Variants in EIF4G1 observed in about 807,000 individuals in gnomAD.
The protein encoded by EIF4G1 is eukaryotic translation initiation factor 4 gamma 1.
A neutral mutation model predicts 187.8 loss-of-function variants in EIF4G1; 4 were observed. That is an observed-to-expected ratio of 0.02 (90% CI 0.01 to 0.05). The LOEUF (loss-of-function observed/expected upper bound fraction) is 0.05. Ranked by LOEUF, EIF4G1 falls within the 10% of genes least tolerant of loss-of-function variation. EIF4G1 has a pLI of 1.00. For synonymous variants in EIF4G1, 844 were observed against 781.4 expected, an observed-to-expected ratio of 1.08 and a Z score of -1.34; for missense variants, 1,647 against 2,081.1, an observed-to-expected ratio of 0.79 and a Z score of 4.06.
rs753816955 is a variant in EIF4G1 at position 184,331,691 on chromosome 3, A to G, written c.4396-37A>G. 3.1e-6 allele frequency: 5 copies of G among 1,613,962 alleles called. No individual in the cohort carries two copies. The East Asian group carries it at 1.1e-4, about 36-fold the overall frequency. ...GCAAGAATGAAGACTGAAGGGCCCA[A>G]TTCAGAATCTGGGGATCATTTGTTT... On this transcript the variant is annotated intron_variant, in intron 30 of 32. Transcript: ENST00000346169.
Position 184,321,518 on chromosome 3 carries a change from C to T in EIF4G1, c.934C>T (p.Arg312Cys), listed in dbSNP as rs112887352. 6.1e-5 allele frequency: 98 copies of T among 1,614,206 alleles called. No individual in the cohort carries two copies. The highest frequency in any genetic ancestry group is 1.0e-4 in the Admixed American group (6 of 60,024). ...CTCCCGTGAAACTGGGGAGCCATATCGCCTCTCTCCAGAACCCACTCCTCT... is the reference window on the plus strand; with the variant it reads ...CTCCCGTGAAACTGGGGAGCCATATTGCCTCTCTCCAGAACCCACTCCTCT... Reference protein sequence around the residue: ...PISRETGEPYRLSPEPTPLAE... With the variant: ...PISRETGEPYCLSPEPTPLAE... The change falls in exon 10 of 33, where the codon CGC becomes TGC. Residue 312 changes from arginine to cysteine, a missense_variant. By Grantham distance (180) the Arg-to-Cys change is radical. This residue lies in a region of EIF4G1 where 522 missense variants were observed against 485.2 expected (regional missense o/e 1.08). Transcript: ENST00000346169.
At chr3:184,330,681 A>G (rs1725883861) in intron 28 of EIF4G1, among the ~76,000 whole-genome samples, 1 of 152,060 alleles carries the variant, frequency 6.6e-6, no homozygotes, top group African/African-American at 2.4e-5. Flanking sequence ...AGGCCCTTAC[A>G]TCATTTTTCC....
intron 4 of EIF4G1, 89 bp downstream of exon 4, chr3:184,316,307 C>T (rs1057065029): frequency 7.3e-6 from 11 of 1,511,852 alleles, no homozygotes; most frequent in Admixed American, 5.7e-5. Flanking sequence ...AAACTGGAGG[C>T]CCCATACCTG....
At chr3:184,333,063 C>A (rs1726442303) in intron 32 of EIF4G1, among the ~76,000 whole-genome samples, 1 of 152,100 alleles carries the variant, frequency 6.6e-6, no homozygotes, top group South Asian at 2.1e-4. Flanking sequence ...AGTGGCTCAG[C>A]CTTGCTGGTG....
In EIF4G1 at chr3:184,334,219, C is replaced by T. The variant is rs546336118; in HGVS notation, c.4619-508C>T. Among the ~76,000 whole-genome samples the T allele has an allele frequency of 1.4e-4, 22 of 152,044 alleles. No individual in the cohort carries two copies. In the South Asian group the frequency reaches 2.5e-3, roughly 17 times the overall value. On this transcript the variant is annotated intron_variant, in intron 32 of 32. Transcript: ENST00000346169. The surrounding 1 kb of genome is among the most constrained non-coding windows in gnomAD (Gnocchi z 5.8). Reference sequence around the variant, plus strand: ...AAGGAACAAGACACGAGGAAGTTTCCGGCAAAGGATATAGCATCCACAAAA... The same window carrying T: ...AAGGAACAAGACACGAGGAAGTTTCTGGCAAAGGATATAGCATCCACAAAA...
At chr3:184,320,279 T>G in intron 7 of EIF4G1, 1 of 1,243,408 alleles carries the variant, frequency 8.0e-7, no homozygotes, top group Middle Eastern at 3.4e-4. Flanking sequence ...CCCCCAGAGA[T>G]CAGGCACACT....
chr3:184,320,986 C>A lies in EIF4G1; in HGVS notation c.690C>A (p.Val230=). ...NGETPQVAVI[V]RPDDRSQGAI... is the part of the protein sequence containing the mutation. ...AGACGCCCCAGGTTGCTGTCATTGT[C>A]CGGCCAGGTAAGTAAGCCGGTGGGA... The change falls in exon 9 of 33, where the codon GTC becomes GTA. Residue 230 remains valine (V), a synonymous_variant. Coordinates refer to ENST00000346169, the MANE Select transcript of EIF4G1 (RefSeq NM_198241.3). 1 of 1,613,902 alleles carries A rather than the reference C, an allele frequency of 6.2e-7. No individual in the cohort carries two copies. The highest frequency in any genetic ancestry group is 2.2e-5 in the East Asian group (1 of 44,868).
intron 17 of EIF4G1, among the ~76,000 whole-genome samples, chr3:184,324,562 C>T (rs1250552369): frequency 3.9e-5 from 6 of 152,130 alleles, no homozygotes; most frequent in African/African-American, 9.7e-5. Context: ...TGAGTTCAAG[C>T]GATTCTCCTG....
chr3:184,333,767 G>A lies in EIF4G1; in HGVS notation c.4619-960G>A, dbSNP rs573264871. ...ATATTTTATTAGCTGTAAGATAGTG[G>A]TTGAAAACAGGGCTTTTTGTTTTTA... On this transcript the variant is annotated intron_variant, in intron 32 of 32. Coordinates refer to ENST00000346169, the MANE Select transcript of EIF4G1 (RefSeq NM_198241.3). Among the ~76,000 whole-genome samples, 48 of 152,374 alleles carry A rather than the reference G, an allele frequency of 3.2e-4. 1 individual carries two copies. The highest frequency in any genetic ancestry group is 1.4e-3 in the Admixed American group (22 of 15,304).
chr3:184,328,027 C>T, intron 26 of EIF4G1, 25 bp downstream of exon 26: 1 of 1,600,180 alleles, frequency 6.2e-7, no homozygotes, highest in Non-Finnish European at 8.5e-7. Context: ...TCTGGGCCTC[C>T]CACTTATACA....
rs1358679856 is a variant in EIF4G1 at position 184,315,500 on chromosome 3, C to T, written c.-80C>T. Reference sequence around the variant, plus strand: ...CCTCCCAACCCCAGGCCCTCGGATGCCCAGAACCTGTAGGCCGCACCGTGG... The same window carrying T: ...CCTCCCAACCCCAGGCCCTCGGATGTCCAGAACCTGTAGGCCGCACCGTGG... On this transcript the variant is annotated 5_prime_UTR_variant, in exon 2 of 33. Transcript: ENST00000346169. 2 of 680,302 alleles carry T rather than the reference C, an allele frequency of 2.9e-6. No individual in the cohort carries two copies. Among genetic ancestry groups the T allele is most frequent in the South Asian group, 1.4e-5 (1 of 72,998 alleles). The allele number at this position is 680,302 out of a possible 1,614,324, so 42.1% of individuals were successfully genotyped here.
Position 184,323,636 on chromosome 3 carries a change from C to T in EIF4G1, c.2274+43C>T. The T allele has an allele frequency of 1.2e-6, 2 of 1,612,878 alleles. No homozygotes were observed. Among genetic ancestry groups the T allele is most frequent in the East Asian group, 2.2e-5 (1 of 44,864 alleles). On this transcript the variant is annotated intron_variant, in intron 15 of 32. Transcript: ENST00000346169. This position sits in a 1 kb window ranked among gnomAD's most constrained non-coding sequence, Gnocchi z 6.9. ...TTTTGGTCTCTCTCCATTTCTTCTC[C>T]AGGTCTGCCATCTGTGCCCTCTTTG...
intron 6 of EIF4G1, 87 bp downstream of exon 6, chr3:184,317,903 C>G: frequency 9.9e-7 from 1 of 1,005,754 alleles, no homozygotes; most frequent in Non-Finnish European, 1.5e-6. Context: ...AAGACCCTTC[C>G]CAGGCTTGGC....
chr3:184,322,178 T>C, intron 10 of EIF4G1, 75 bp downstream of exon 10: 1 of 1,606,176 alleles, frequency 6.2e-7, no homozygotes, highest in South Asian at 1.1e-5. Context: ...TGACCGCCCA[T>C]TTTTGACATG....
rs113388242 is a variant in EIF4G1, at chr3:184,327,376, C to T, written c.3589C>T (p.Arg1197Trp). ...SKEVEERSRE[R>W]PSQPEGLRKA... ...GGAAGTGGAGGAGCGGAGTAGAGAACGGCCCTCCCAGCCTGAGGGGCTGCG... is the reference window on the plus strand; with the variant it reads ...GGAAGTGGAGGAGCGGAGTAGAGAATGGCCCTCCCAGCCTGAGGGGCTGCG... Residue 1197 changes from arginine to tryptophan, a missense_variant, in exon 24 of 33, where the codon CGG becomes TGG. Around this residue, in one of 11 missense-constraint regions of EIF4G1, gnomAD observed 543 missense variants for 638.0 expected, o/e 0.85. Coordinates refer to ENST00000346169, the MANE Select transcript of EIF4G1 (RefSeq NM_198241.3). The T allele has an allele frequency of 3.0e-5, 48 of 1,613,372 alleles. No individual in the cohort carries two copies. The highest frequency in any genetic ancestry group is 1.7e-4 in the Middle Eastern group (1 of 6,056).
chr3:184,320,955 A>T lies in EIF4G1; in HGVS notation c.659A>T (p.Asn220Ile), dbSNP rs1429023973. The T allele has an allele frequency of 5.0e-6, 8 of 1,614,166 alleles. No homozygotes were observed. Among genetic ancestry groups the T allele is most frequent in the African/African-American group, 1.3e-5 (1 of 75,040 alleles). Residue 220 changes from asparagine (N) to isoleucine (I), a missense_variant, in exon 9 of 33, where the codon AAT becomes ATT. Asn to Ile is a moderately radical substitution (Grantham distance 149). This residue lies in a region of EIF4G1 where 522 missense variants were observed against 485.2 expected (regional missense o/e 1.08). Transcript: ENST00000346169. ...QTGGGLEPQANGETPQVAVIV... is the reference protein window; with the variant it reads ...QTGGGLEPQAIGETPQVAVIV... ...GGAGGCGGTCTGGAGCCTCAAGCTA[A>T]TGGGGAGACGCCCCAGGTTGCTGTC...
rs755617952 is a variant in EIF4G1, at chr3:184,327,295, C to T, written c.3508C>T (p.Arg1170Cys). Residue 1170 changes from arginine to cysteine, a missense_variant, in exon 24 of 33, where the codon CGT becomes TGT. By Grantham distance (180) the Arg-to-Cys change is radical. Coordinates refer to ENST00000346169, the MANE Select transcript of EIF4G1 (RefSeq NM_198241.3). ...AGAGCGGAGTGAACGGGGAGGGGAC[C>T]GTGGGGACCGGCTTGATCGTGCGCG... ...RLERSERGGDRGDRLDRARTP... is the reference protein window; with the variant it reads ...RLERSERGGDCGDRLDRARTP... 2.0e-5 allele frequency: 33 copies of T among 1,613,780 alleles called. No individual in the cohort carries two copies. The highest frequency in any genetic ancestry group is 4.0e-5 in the African/African-American group (3 of 74,936).
intron 7 of EIF4G1, 23 bp from the exon 8 acceptor site, chr3:184,320,607 A>C (rs373563102): frequency 3.1e-6 from 5 of 1,613,872 alleles, no homozygotes; most frequent in Non-Finnish European, 1.7e-6. Flanking sequence ...CTTCCCACTC[A>C]TCTTATAGCT....
Position 184,323,448 on chromosome 3 carries a change from A to G in EIF4G1, c.2129A>G (p.Lys710Arg). The part of the protein sequence containing the change: ...GPRRSQQGPR[K>R]EPRKIIATVL... ...CGGCGCTCTCAGCAGGGACCCCGAA[A>G]AGAACCACGCAAGATCATTGCCACA... The change falls in exon 15 of 33, where the codon AAA becomes AGA. Residue 710 changes from lysine (K) to arginine (R), a missense_variant. Coordinates refer to ENST00000346169, the MANE Select transcript of EIF4G1 (RefSeq NM_198241.3). The surrounding 1 kb of genome is among the most constrained non-coding windows in gnomAD (Gnocchi z 6.9). 2 of 1,614,236 alleles carry G rather than the reference A, an allele frequency of 1.2e-6. No individual in the cohort carries two copies. Among genetic ancestry groups the G allele is most frequent in the Non-Finnish European group, 1.7e-6 (2 of 1,180,034 alleles).
Sources: gnomAD v4.1 joint callset for allele counts (sites outside exome capture counted in the v4.1 genomes callset) on GRCh38, gnomAD v4.1.1 for gene constraint, gnomAD v4.1.1 regional missense constraint, Gnocchi (gnomAD v3.1) non-coding constraint, MANE v1.5 for transcripts, NCBI Gene and HGNC (gene_info 2026-07-23, HGNC 2026-07-21) for gene names.